Variants in SDK1 observed in about 807,000 individuals in gnomAD.
SDK1 encodes protein sidekick-1.
A neutral mutation model predicts 245.5 loss-of-function variants in SDK1; 157 were observed. The ratio of observed to expected loss-of-function variants is 0.64; its 90% CI spans 0.56 to 0.73. The LOEUF (loss-of-function observed/expected upper bound fraction) is 0.73. Among genes scored for constraint, SDK1 ranks in the 30% least tolerant of loss-of-function variants. SDK1 has a pLI of 0.00. For synonymous variants in SDK1, 1,647 were observed against 1,278.5 expected, an observed-to-expected ratio of 1.29 and a Z score of -6.15; for missense variants, 3,583 against 3,002.3, an observed-to-expected ratio of 1.19 and a Z score of -4.52.
chr7:3,806,395 C>CACATTAGGATGTGGA (rs1483103123), intron 4 of SDK1, among the ~76,000 whole-genome samples: 16 of 151,952 alleles, frequency 1.1e-4, no homozygotes, highest in Admixed American at 2.6e-4. Flanking sequence ...CGTGGATGTC[C>CACATTAGGATGTGGA]TTGGGGGCCC....
In SDK1 at chr7:3,761,260, C is replaced by CTTT. The variant is rs71029692; in HGVS notation, c.714-60172_714-60170dup. Among the ~76,000 whole-genome samples, 441 of 93,704 alleles carry CTTT rather than the reference C, an allele frequency of 4.7e-3. 7 individuals are homozygous for CTTT. Among genetic ancestry groups the CTTT allele is most frequent in the African/African-American group, 7.9e-3 (186 of 23,572 alleles). 61.5% of individuals were successfully genotyped at this position (93,704 alleles called of 152,430 possible). A position where few individuals can be genotyped will look rare whatever the true frequency, so the allele number is the denominator to read the frequency against. On this transcript the variant is annotated intron_variant, in intron 4 of 44. Coordinates refer to ENST00000404826, the MANE Select transcript of SDK1 (RefSeq NM_152744.4). ...TTTTTTTTTTATCAAGCCCCCCCTC[C>CTTT]TTTTTTTTTTTTTTTTTTTTGCTCT...
chr7:3,690,038 C>T (rs1253231466), intron 4 of SDK1, among the ~76,000 whole-genome samples: 1 of 152,156 alleles, frequency 6.6e-6, no homozygotes, highest in Non-Finnish European at 1.5e-5. Context: ...CAAAAATATT[C>T]ATCCATTTCT....
At chr7:4,181,155 G>A (rs901736802) in intron 35 of SDK1, among the ~76,000 whole-genome samples, 1 of 152,170 alleles carries the variant, frequency 6.6e-6, no homozygotes, top group Admixed American at 6.5e-5. Context: ...GTCACTGCAA[G>A]TTCACCTCTC....
intron 35 of SDK1, among the ~76,000 whole-genome samples, chr7:4,189,143 C>T (rs570899976): frequency 1.2e-3 from 181 of 152,274 alleles, no homozygotes; most frequent in Non-Finnish European, 2.2e-3. Context: ...TCCTCCTTTT[C>T]GTCTATTCAT....
At chr7:4,176,360 G>T (rs914781655) in intron 34 of SDK1, among the ~76,000 whole-genome samples, 1 of 151,816 alleles carries the variant, frequency 6.6e-6, no homozygotes, top group South Asian at 2.1e-4. Flanking sequence ...TAAGAGACGG[G>T]TTCTTGCTAT....
chr7:4,197,002 T>C (rs1783618819), intron 35 of SDK1, among the ~76,000 whole-genome samples: 1 of 152,214 alleles, frequency 6.6e-6, no homozygotes, highest in Non-Finnish European at 1.5e-5. Flanking sequence ...TGTTGGAGCA[T>C]GCTATTTAAC....
At chr7:3,346,613 G>C (rs1028392970) in intron 1 of SDK1, among the ~76,000 whole-genome samples, 2 of 149,622 alleles carry the variant, frequency 1.3e-5, no homozygotes, top group East Asian at 3.9e-4. Context: ...CTCGTGCTCA[G>C]GCAGTCCTCC....
In SDK1 at chr7:4,189,969, A is replaced by G. The variant is rs144891485; in HGVS notation, c.5098+11383A>G. On this transcript the variant is annotated intron_variant, in intron 35 of 44. Transcript: ENST00000404826. ...TTCTTCTAAGTGCTCCAAGTTTTTA[A>G]TTACAGTTGGTTGGAATGAGAGAAA... 7.2e-5 allele frequency among the ~76,000 whole-genome samples: 11 copies of G among 152,140 alleles called. No homozygotes were observed. The East Asian group carries it at 1.9e-3, about 27-fold the overall frequency.
chr7:3,462,042 G>C (rs549098911), intron 1 of SDK1, among the ~76,000 whole-genome samples: 1 of 152,052 alleles, frequency 6.6e-6, no homozygotes, highest in Non-Finnish European at 1.5e-5. Context: ...TCTTCTCTTT[G>C]CATTTACAGC....
At chr7:4,043,130 A>G (rs996139546) in intron 17 of SDK1, among the ~76,000 whole-genome samples, 1 of 151,706 alleles carries the variant, frequency 6.6e-6, no homozygotes, top group Non-Finnish European at 1.5e-5. Context: ...GCTCAGGTAG[A>G]GTGAGTGTCA....
chr7:3,844,113 G>T (rs1780221519), intron 5 of SDK1, among the ~76,000 whole-genome samples: 1 of 152,090 alleles, frequency 6.6e-6, no homozygotes, highest in South Asian at 2.1e-4. Context: ...TGGGATTACA[G>T]GTGCTCACCA....
chr7:3,957,269 C>T (rs557560892), intron 7 of SDK1, among the ~76,000 whole-genome samples: 2 of 152,280 alleles, frequency 1.3e-5, no homozygotes, highest in South Asian at 2.1e-4. Flanking sequence ...GTGCATGTGC[C>T]GTCTTTTCAC....
At chr7:3,696,707 C>G (rs1380136536) in intron 4 of SDK1, among the ~76,000 whole-genome samples, 2 of 151,824 alleles carry the variant, frequency 1.3e-5, no homozygotes, top group African/African-American at 4.8e-5. Context: ...ACAATGTTAA[C>G]AAAAGTAATC....
At chr7:3,613,081 A>T (rs935627495) in intron 1 of SDK1, among the ~76,000 whole-genome samples, 1 of 152,238 alleles carries the variant, frequency 6.6e-6, no homozygotes, top group African/African-American at 2.4e-5. Context: ...TTGCAGTTCA[A>T]CTTGCTTGAT....
chr7:4,074,587 G>A (rs1203333046), intron 20 of SDK1, among the ~76,000 whole-genome samples: 3 of 152,040 alleles, frequency 2.0e-5, no homozygotes, highest in South Asian at 2.1e-4. Context: ...CAGGCTGGGC[G>A]TGGTGGCTGA....
intron 1 of SDK1, among the ~76,000 whole-genome samples, chr7:3,537,784 A>G (rs1409148803): frequency 6.6e-6 from 1 of 152,128 alleles, no homozygotes; most frequent in Non-Finnish European, 1.5e-5. Flanking sequence ...TCCCTGGAGA[A>G]GACTGTATTC....
intron 4 of SDK1, among the ~76,000 whole-genome samples, chr7:3,773,580 G>A (rs1477124754): frequency 1.3e-5 from 2 of 152,020 alleles, no homozygotes; most frequent in Non-Finnish European, 2.9e-5. Context: ...TTAAATGAGT[G>A]ATACTTTCTT....
At chr7:3,531,559 A>C (rs1352721724) in intron 1 of SDK1, among the ~76,000 whole-genome samples, 1 of 152,168 alleles carries the variant, frequency 6.6e-6, no homozygotes, top group African/African-American at 2.4e-5. Context: ...TAAGTAATTA[A>C]ATTTGTGCCA....
At position 3,962,793 on chromosome 7, in the gene SDK1, G is replaced by A; in HGVS notation, c.1371G>A (p.Gln457=). ...KLRPEDSGIF[Q]CFASNEGGEI... is the part of the protein sequence containing the mutation. The stretch of plus-strand genomic sequence containing the variant: ...GTCCAGAGGACTCCGGAATCTTCCA[G>A]TGCTTCGCCAGCAATGAAGGAGGGG... Residue 457 remains glutamine (Q), a synonymous_variant, in exon 9 of 45, where the codon CAG becomes CAA. Transcript: ENST00000404826. 1 of 1,613,676 alleles carries A rather than the reference G, an allele frequency of 6.2e-7. No individual in the cohort carries two copies. Among genetic ancestry groups the A allele is most frequent in the Non-Finnish European group, 8.5e-7 (1 of 1,179,840 alleles).
Sources: gnomAD v4.1 joint callset for allele counts (sites outside exome capture counted in the v4.1 genomes callset) on GRCh38, gnomAD v4.1.1 for gene constraint, MANE v1.5 for transcripts, NCBI Gene and HGNC (gene_info 2026-07-23, HGNC 2026-07-21) for gene names.